COL15A1: variants seen among roughly 807,000 people sequenced by gnomAD.
The protein encoded by COL15A1 is collagen alpha-1(XV) chain.
Under a neutral mutation model 165.9 loss-of-function variants are expected in COL15A1, and 111 were observed. That is an observed-to-expected ratio of 0.67 (90% CI 0.57 to 0.78). The LOEUF is 0.78. COL15A1 is among the 30% of genes least tolerant of loss of function. The pLI is 0.00. For missense variants in COL15A1, 1,745 were observed against 1,789.7 expected, an observed-to-expected ratio of 0.98 and a Z score of 0.45; for synonymous variants, 659 against 674.8, an observed-to-expected ratio of 0.98 and a Z score of 0.36.
chr9:99,020,617 C>G (rs1344405194), intron 12 of COL15A1, among the ~76,000 whole-genome samples, 175 bp downstream of exon 12: 1 of 152,220 alleles, frequency 6.6e-6, no homozygotes, highest in Non-Finnish European at 1.5e-5. Flanking sequence ...GGGCACTGGG[C>G]AGTTCTGACT....
chr9:99,035,619 C>G (rs190817686), intron 19 of COL15A1, among the ~76,000 whole-genome samples: 1 of 152,256 alleles, frequency 6.6e-6, no homozygotes. Context: ...TTGCAGAAAA[C>G]ATGATGTGGG....
At chr9:99,012,271 C>G (rs930423928) in intron 9 of COL15A1, among the ~76,000 whole-genome samples, 1 of 152,012 alleles carries the variant, frequency 6.6e-6, no homozygotes, top group African/African-American at 2.4e-5. Flanking sequence ...TACCTTGTAG[C>G]GAAAAACACA....
At chr9:99,023,810 AT>A (rs773384520) in intron 14 of COL15A1, among the ~76,000 whole-genome samples, 1 of 151,166 alleles carries the variant, frequency 6.6e-6, no homozygotes, top group Non-Finnish European at 1.5e-5. Flanking sequence ...CTCTCACCCT[AT>A]TCATTAAAGA....
At chr9:99,064,106 A>G (rs1352627628) in intron 39 of COL15A1, among the ~76,000 whole-genome samples, 1 of 151,698 alleles carries the variant, frequency 6.6e-6, no homozygotes, top group Non-Finnish European at 1.5e-5. Context: ...CTTCCTCCCA[A>G]CCTCACCCCA....
chr9:98,990,916 C>T (rs1318569486), intron 5 of COL15A1, among the ~76,000 whole-genome samples: 3 of 152,062 alleles, frequency 2.0e-5, no homozygotes, highest in Admixed American at 2.0e-4. Flanking sequence ...TTTGTTCCTT[C>T]TGATATTTGG....
At chr9:98,982,814 T>C (rs1838252770) in intron 2 of COL15A1, among the ~76,000 whole-genome samples, 1 of 151,984 alleles carries the variant, frequency 6.6e-6, no homozygotes, top group Non-Finnish European at 1.5e-5. Context: ...TTTGTTGTTT[T>C]GTGGAGATGA....
At chr9:98,999,298 G>T (rs1163932722) in intron 6 of COL15A1, among the ~76,000 whole-genome samples, 1 of 152,152 alleles carries the variant, frequency 6.6e-6, no homozygotes, top group Non-Finnish European at 1.5e-5. Context: ...TAATACTGAG[G>T]TATTGATGTG....
Position 99,015,488 on chromosome 9 carries a change from T to C in COL15A1, c.1425T>C (p.Asp475=), listed in dbSNP as rs1338668172. ...ATEVSLSTFE[D]EEASGVPTDG... ...AAGTGTCCCTCAGTACTTTTGAGGA[T>C]GAGGAAGCCAGTGGGGTCCCCACAG... The change falls in exon 10 of 42, where the codon GAT becomes GAC. Residue 475 remains aspartate, a synonymous_variant. Transcript: ENST00000375001. 6.2e-7 allele frequency: 1 copy of C among 1,612,288 alleles called. No homozygotes were observed. The highest frequency in any genetic ancestry group is 1.7e-5 in the Admixed American group (1 of 60,022).
At chr9:99,015,273 T>C in intron 9 of COL15A1, 144 bp from the exon 10 acceptor site, 1 of 645,958 alleles carries the variant, frequency 1.5e-6, no homozygotes, top group Non-Finnish European at 2.8e-6. Context: ...CAGGCGAAGG[T>C]GTGGTCCTGG....
intron 2 of COL15A1, among the ~76,000 whole-genome samples, chr9:98,969,981 C>T (rs1838019430): frequency 6.6e-6 from 1 of 151,460 alleles, no homozygotes. Flanking sequence ...TCCCCATGCC[C>T]AAGCCACACC....
At position 99,062,236 on chromosome 9, in the gene COL15A1, T is replaced by C. The variant is rs773138604; in HGVS notation, c.3532-9T>C. On this transcript the variant is annotated splice_polypyrimidine_tract_variant and intron_variant, in intron 37 of 41. Transcript: ENST00000375001. The stretch of plus-strand genomic sequence containing the variant: ...GATCTTTCATTTCAATGTACTGTTT[T>C]TCTTAAAGCTGGGAGAACTGATCCC... 1 of 1,613,458 alleles carries C rather than the reference T, an allele frequency of 6.2e-7. No individual in the cohort carries two copies. The highest frequency in any genetic ancestry group is 8.5e-7 in the Non-Finnish European group (1 of 1,179,348).
intron 16 of COL15A1, among the ~76,000 whole-genome samples, 197 bp downstream of exon 16, chr9:99,026,163 A>G (rs1236032337): frequency 1.3e-5 from 2 of 151,622 alleles, no homozygotes; most frequent in African/African-American, 4.9e-5. Context: ...TTCCCTGCCC[A>G]CTCTTGTCTG....
chr9:99,040,782 G>T lies in COL15A1; in HGVS notation c.2511+226G>T, dbSNP rs568321627. 1.3e-3 allele frequency: 890 copies of T among 699,000 alleles called. 4 individuals are homozygous for T. The Middle Eastern group carries it at 0.023, about 18-fold the overall frequency. 43.3% of individuals were successfully genotyped at this position (699,000 alleles called of 1,614,324 possible). ...AATCCATCTGCGTCAGCCTCCCAAAGTGCTGGGATTACAAGCATGAGCCCC... is the reference window on the plus strand; with the variant it reads ...AATCCATCTGCGTCAGCCTCCCAAATTGCTGGGATTACAAGCATGAGCCCC... On this transcript the variant is annotated intron_variant, in intron 23 of 41. Transcript: ENST00000375001.
chr9:99,034,674 G>A, intron 17 of COL15A1, 90 bp downstream of exon 17: 3 of 1,465,896 alleles, frequency 2.0e-6, no homozygotes, highest in Non-Finnish European at 2.7e-6. Context: ...TGCTGGGCTG[G>A]AATATTGAAC....
At chr9:98,999,026 G>C (rs1838600012) in intron 6 of COL15A1, among the ~76,000 whole-genome samples, 1 of 152,306 alleles carries the variant, frequency 6.6e-6, no homozygotes, top group South Asian at 2.1e-4. Flanking sequence ...ACAGGCAATC[G>C]GCTGCTTGCA....
At chr9:98,998,843 T>C (rs16918124) in intron 6 of COL15A1, among the ~76,000 whole-genome samples, 6,406 of 152,274 alleles carry the variant, frequency 0.042, 343 homozygotes, top group East Asian at 0.1. Flanking sequence ...TTGAAAGCAA[T>C]GGAGCTAGCC....
At chr9:99,017,170 A>G (rs1361718378) in intron 11 of COL15A1, among the ~76,000 whole-genome samples, 1 of 152,218 alleles carries the variant, frequency 6.6e-6, no homozygotes, top group African/African-American at 2.4e-5. Context: ...AGCCATCTGA[A>G]CTGACATTGA....
chr9:98,987,205 G>A (rs1173821908), intron 3 of COL15A1, 89 bp from the exon 4 acceptor site: 14 of 1,275,936 alleles, frequency 1.1e-5, no homozygotes, highest in Admixed American at 7.2e-5. Context: ...TTACCTGTTC[G>A]TCTCCATTGC....
intron 2 of COL15A1, among the ~76,000 whole-genome samples, chr9:98,949,977 A>G (rs1837652402): frequency 6.6e-6 from 1 of 152,212 alleles, no homozygotes; most frequent in South Asian, 2.1e-4. Flanking sequence ...CATTTAACAT[A>G]AAGTTTTCAT....
Sources: allele counts gnomAD v4.1 joint callset (sites outside exome capture counted in the v4.1 genomes callset), GRCh38; gene constraint gnomAD v4.1.1; transcripts MANE v1.5; gene names NCBI Gene and HGNC (gene_info 2026-07-23, HGNC 2026-07-21).